RTN4RL1: variants seen among roughly 807,000 people sequenced by gnomAD.
RTN4RL1 encodes the protein reticulon 4 receptor like 1.
RTN4RL1 carries 7 observed loss-of-function variants against 25.6 expected under a neutral mutation model. The ratio of observed to expected loss-of-function variants is 0.27; its 90% CI spans 0.16 to 0.51. RTN4RL1 has a LOEUF of 0.51. Among genes scored for constraint, RTN4RL1 ranks in the 20% least tolerant of loss-of-function variants. The pLI is 0.97. For synonymous variants in RTN4RL1, 297 were observed against 288.2 expected, an observed-to-expected ratio of 1.03 and a Z score of -0.31; for missense variants, 500 against 615.6, an observed-to-expected ratio of 0.81 and a Z score of 1.99.
chr17:1,957,383 A>G (rs1915813999), intron 1 of RTN4RL1, among the ~76,000 whole-genome samples: 1 of 152,104 alleles, frequency 6.6e-6, no homozygotes, highest in South Asian at 2.1e-4. Context: ...TGAAGAGGAG[A>G]CCGTGGGGAA....
Position 1,936,476 on chromosome 17 carries a change from G to A in RTN4RL1, c.*20C>T, listed in dbSNP as rs1166461507. ...CCTTGGTGGACATGTGGCAGTGCTG[G>A]GTGCTGACGCCCTGGGTCCTCAGCG... On this transcript the variant is annotated 3_prime_UTR_variant, in exon 2 of 2. Transcript: ENST00000331238. The A allele has an allele frequency of 3.9e-6, 6 of 1,526,216 alleles. No individual in the cohort carries two copies. Among genetic ancestry groups the A allele is most frequent in the Non-Finnish European group, 5.3e-6 (6 of 1,142,712 alleles). 94.5% of individuals were successfully genotyped at this position (1,526,216 alleles called of 1,614,324 possible).
chr17:2,019,474 G>A (rs1318864303), intron 1 of RTN4RL1: 2 of 152,190 alleles, frequency 1.3e-5, no homozygotes, highest in African/African-American at 2.4e-5. Context: ...CCAAAGACAC[G>A]GCCAGAGCTT....
chr17:1,999,356 G>A (rs1171057192), intron 1 of RTN4RL1, among the ~76,000 whole-genome samples: 3 of 152,000 alleles, frequency 2.0e-5, no homozygotes, highest in East Asian at 3.9e-4. Context: ...TGAGGCAGGA[G>A]AATCACTTGA....
intron 1 of RTN4RL1, among the ~76,000 whole-genome samples, chr17:2,011,078 C>T (rs1257506253): frequency 2.0e-5 from 3 of 147,026 alleles, no homozygotes; most frequent in Non-Finnish European, 4.6e-5. Context: ...ATGGAGAAAC[C>T]CCGTCTCTAC....
chr17:1,966,181 G>A (rs557722481), intron 1 of RTN4RL1, among the ~76,000 whole-genome samples: 2 of 152,228 alleles, frequency 1.3e-5, no homozygotes, highest in South Asian at 4.2e-4. Context: ...ATTCCAACTC[G>A]ACGTGGTACA....
chr17:1,986,530 GAGAC>G (rs1363522001), intron 1 of RTN4RL1, among the ~76,000 whole-genome samples: 1 of 152,054 alleles, frequency 6.6e-6, no homozygotes, highest in East Asian at 1.9e-4. Context: ...TTCCTTATAA[GAGAC>G]AGAAGAGGAG....
rs779048018 is a variant in RTN4RL1 at position 1,937,435 on chromosome 17, G to A, written c.387C>T (p.Ala129=). 35 of 1,613,730 alleles carry A rather than the reference G, an allele frequency of 2.2e-5. No homozygotes were observed. In the Admixed American group the frequency reaches 5.5e-4, roughly 25 times the overall value. Residue 129 remains alanine, a synonymous_variant, in exon 2 of 2, where the codon GCC becomes GCT. Transcript: ENST00000331238. ...TGAGCCCACACTTGTAGAGGTAGAGGGCGTGAAGCTTCACCAGGCCCTGGA... is the reference window on the plus strand; with the variant it reads ...TGAGCCCACACTTGTAGAGGTAGAGAGCGTGAAGCTTCACCAGGCCCTGGA... ...ETFQGLVKLH[A]LYLYKCGLSA...
chr17:2,023,304 C>G (rs2067232989), intron 1 of RTN4RL1, among the ~76,000 whole-genome samples: 1 of 152,142 alleles, frequency 6.6e-6, no homozygotes, highest in Non-Finnish European at 1.5e-5. Context: ...CAGCACTGCT[C>G]GGTTGCTGAA....
At chr17:2,007,337 A>ACACACAC (rs1352398594) in intron 1 of RTN4RL1, among the ~76,000 whole-genome samples, 1,485 of 140,390 alleles carry the variant, frequency 0.011, 7 homozygotes, top group African/African-American at 0.012. Flanking sequence ...TCACAGCCCC[A>ACACACAC]ACACACACAC....
rs1567845317 is a variant in RTN4RL1 at position 1,935,715 on chromosome 17, A to ATATATATATATATATATATATG, written c.*780_*781insCATATATATATATATATATATA. On this transcript the variant is annotated 3_prime_UTR_variant, in exon 2 of 2. Transcript: ENST00000331238. The stretch of plus-strand genomic sequence containing the variant: ...GGAGGGGGACTGTGCATTTGTGTAT[A>ATATATATATATATATATATATG]TATATATATATATATATATATATAT... 1.1e-5 allele frequency: 1 copy of ATATATATATATATATATATATG among 91,572 alleles called. No individual in the cohort carries two copies. Among genetic ancestry groups the ATATATATATATATATATATATG allele is most frequent in the East Asian group, 5.4e-4 (1 of 1,862 alleles). The allele number at this position is 91,572 out of a possible 1,614,324, so 5.7% of individuals were successfully genotyped here.
intron 1 of RTN4RL1, among the ~76,000 whole-genome samples, chr17:1,988,398 C>T (rs1457368873): frequency 5.4e-5 from 6 of 111,704 alleles, no homozygotes; most frequent in South Asian, 5.7e-4. Context: ...AGCAAGACTC[C>T]GCCTCAAAAA....
chr17:1,940,129 G>A (rs1915411252), intron 1 of RTN4RL1, among the ~76,000 whole-genome samples: 1 of 152,248 alleles, frequency 6.6e-6, no homozygotes, highest in South Asian at 2.1e-4. Flanking sequence ...ATAAGTGACA[G>A]CTCCCAGCTG....
intron 1 of RTN4RL1, among the ~76,000 whole-genome samples, chr17:1,960,341 G>A (rs573633591): frequency 7.2e-5 from 11 of 152,058 alleles, no homozygotes; most frequent in Middle Eastern, 6.3e-3. Context: ...GTGCTATCAT[G>A]TTACTTTCCT....
intron 1 of RTN4RL1, among the ~76,000 whole-genome samples, chr17:1,967,315 G>C (rs150068192): frequency 2.6e-5 from 4 of 152,140 alleles, no homozygotes; most frequent in African/African-American, 9.7e-5. Context: ...CATGGATTCC[G>C]CCGGAGGCCA....
At chr17:1,983,741 C>G (rs999356508) in intron 1 of RTN4RL1, among the ~76,000 whole-genome samples, 1 of 151,278 alleles carries the variant, frequency 6.6e-6, no homozygotes, top group African/African-American at 2.4e-5. Context: ...GGGTCTTACC[C>G]AGTGTGTCCA....
chr17:2,017,355 C>T (rs999862823), intron 1 of RTN4RL1, among the ~76,000 whole-genome samples: 2 of 152,228 alleles, frequency 1.3e-5, no homozygotes, highest in African/African-American at 2.4e-5. Context: ...AGTGGCCCAT[C>T]GCTGGGGGCT....
At chr17:1,939,332 G>C (rs572592625) in intron 1 of RTN4RL1, among the ~76,000 whole-genome samples, 2 of 151,548 alleles carry the variant, frequency 1.3e-5, no homozygotes, top group Non-Finnish European at 2.9e-5. Context: ...CAGCCTGGGC[G>C]ACAGAGCGAA....
chr17:1,961,947 CA>C (rs368701033), intron 1 of RTN4RL1, among the ~76,000 whole-genome samples: 57 of 104,968 alleles, frequency 5.4e-4, no homozygotes, highest in Admixed American at 6.3e-4. Flanking sequence ...GACTCTGCCT[CA>C]AAAAAAAAAA....
chr17:1,961,091 C>T (rs930815895), intron 1 of RTN4RL1, among the ~76,000 whole-genome samples: 4 of 152,308 alleles, frequency 2.6e-5, no homozygotes, highest in Admixed American at 6.5e-5. Context: ...TCCCCATCCC[C>T]GGGACAGGGC....
Sources: gnomAD v4.1 joint callset for allele counts (sites outside exome capture counted in the v4.1 genomes callset) on GRCh38, gnomAD v4.1.1 for gene constraint, MANE v1.5 for transcripts, NCBI Gene and HGNC (gene_info 2026-07-23, HGNC 2026-07-21) for gene names.